The following MGAT4A variants were observed in gnomAD, a reference collection of about 807,000 sequenced individuals.
MGAT4A encodes alpha-1,3-mannosyl-glycoprotein 4-beta-N-acetylglucosaminyltransferase A.
In MGAT4A, 33 loss-of-function variants were observed where a neutral mutation model predicts 74.1. The observed-to-expected ratio is 0.45, with a 90% CI of 0.34 to 0.60. The LOEUF is 0.60. Among genes scored for constraint, MGAT4A ranks in the 20% least tolerant of loss-of-function variants. MGAT4A has a pLI of 0.02. For synonymous variants in MGAT4A, 198 were observed against 210.4 expected (o/e 0.94, Z 0.51); for missense variants, 479 against 628.3 (o/e 0.76, Z 2.54).
chr2:98,654,885 C>A (rs1042286265), intron 8 of MGAT4A, among the ~76,000 whole-genome samples: 1 of 152,152 alleles, frequency 6.6e-6, no homozygotes, highest in African/African-American at 2.4e-5. Context: ...CCTCATACTT[C>A]CTAATTTTAA....
intron 2 of MGAT4A, among the ~76,000 whole-genome samples, chr2:98,706,638 T>G (rs62158023): frequency 1.3e-5 from 2 of 149,942 alleles, no homozygotes; most frequent in African/African-American, 4.9e-5. Context: ...CTGATGTGAA[T>G]TTAAAAAAAA....
At chr2:98,670,716 C>T (rs756756049) in intron 4 of MGAT4A, among the ~76,000 whole-genome samples, 15 of 152,070 alleles carry the variant, frequency 9.9e-5, no homozygotes, top group Non-Finnish European at 2.1e-4. Context: ...TGCCTAGTTG[C>T]CCTTTCTCTG....
intron 2 of MGAT4A, among the ~76,000 whole-genome samples, chr2:98,718,218 G>A (rs1702617390): frequency 6.6e-6 from 1 of 152,100 alleles, no homozygotes. Context: ...AGTTTAATCA[G>A]CAGCTGCTTT....
intron 4 of MGAT4A, among the ~76,000 whole-genome samples, chr2:98,672,022 T>C (rs1701918058): frequency 6.9e-6 from 1 of 145,422 alleles, no homozygotes; most frequent in Admixed American, 6.9e-5. Flanking sequence ...GACAACCTGG[T>C]GTTAGGACTT....
intron 1 of MGAT4A, among the ~76,000 whole-genome samples, chr2:98,728,642 G>T (rs574185359): frequency 6.6e-6 from 1 of 151,936 alleles, no homozygotes; most frequent in Non-Finnish European, 1.5e-5. Flanking sequence ...CAGCTTACTC[G>T]GGAGGCTGAG....
rs1290810374 is a variant in MGAT4A at position 98,620,975 on chromosome 2, C to T, written c.*4591G>A. 1 of 152,972 alleles carries T rather than the reference C, an allele frequency of 6.5e-6. No homozygotes were observed. The highest frequency in any genetic ancestry group is 1.5e-5 in the Non-Finnish European group (1 of 68,574). 9.5% of individuals were successfully genotyped at this position (152,972 alleles called of 1,614,324 possible). ...AGATCTCTGGCGAGAACATCCCCAA[C>T]AAGGTCCAGGTACATGACTTGCTAC... is the stretch of plus-strand genomic sequence containing the variant. On this transcript the variant is annotated 3_prime_UTR_variant, in exon 16 of 16. Transcript: ENST00000393487.
intron 2 of MGAT4A, among the ~76,000 whole-genome samples, chr2:98,709,291 G>A (rs1238286509): frequency 1.3e-5 from 2 of 152,114 alleles, no homozygotes; most frequent in African/African-American, 4.8e-5. Flanking sequence ...CCCCTGAAAT[G>A]ACAGCACCAT....
intron 12 of MGAT4A, among the ~76,000 whole-genome samples, chr2:98,639,508 C>A (rs1701372927): frequency 6.6e-6 from 1 of 152,018 alleles, no homozygotes. Flanking sequence ...AGGATAAAGA[C>A]ATAAACACTA....
At chr2:98,676,249 T>C (rs1476293370) in intron 3 of MGAT4A, among the ~76,000 whole-genome samples, 1 of 152,166 alleles carries the variant, frequency 6.6e-6, no homozygotes, top group Non-Finnish European at 1.5e-5. Flanking sequence ...TAAAGTTTAA[T>C]CTCATGCGTA....
chr2:98,647,081 T>G (rs1309453424), intron 8 of MGAT4A, among the ~76,000 whole-genome samples: 1 of 152,184 alleles, frequency 6.6e-6, no homozygotes, highest in Admixed American at 6.5e-5. Context: ...AACATAGCAT[T>G]TAGAACTAAG....
At chr2:98,665,286 G>A (rs749248987) in intron 4 of MGAT4A, among the ~76,000 whole-genome samples, 36 of 136,278 alleles carry the variant, frequency 2.6e-4, no homozygotes, top group Middle Eastern at 4.9e-3. Flanking sequence ...TCAAGATCGC[G>A]CCACTGCACA....
At chr2:98,684,069 C>T (rs780045772) in intron 2 of MGAT4A, among the ~76,000 whole-genome samples, 1 of 152,188 alleles carries the variant, frequency 6.6e-6, no homozygotes, top group Non-Finnish European at 1.5e-5. Context: ...ACTCAGCTTT[C>T]TAGAACTTTC....
chr2:98,638,679 T>A (rs760056804), intron 12 of MGAT4A, among the ~76,000 whole-genome samples: 64 of 152,266 alleles, frequency 4.2e-4, no homozygotes, highest in Non-Finnish European at 7.5e-4. Context: ...TCAAAACTAT[T>A]TCTGTATGTT....
At chr2:98,657,137 A>G (rs947484739) in intron 6 of MGAT4A, among the ~76,000 whole-genome samples, 2 of 152,170 alleles carry the variant, frequency 1.3e-5, no homozygotes, top group Non-Finnish European at 2.9e-5. Flanking sequence ...GAGGTTAAGA[A>G]CCCTTTCTAA....
chr2:98,633,802 A>G (rs199787628), intron 14 of MGAT4A, among the ~76,000 whole-genome samples: 1 of 152,344 alleles, frequency 6.6e-6, no homozygotes, highest in East Asian at 1.9e-4. Context: ...ATTTTCAGAA[A>G]TTTAATAAGT....
intron 2 of MGAT4A, among the ~76,000 whole-genome samples, chr2:98,707,946 C>T (rs1051920347): frequency 1.3e-5 from 2 of 152,284 alleles, no homozygotes; most frequent in Admixed American, 6.5e-5. Context: ...CAACAGGACT[C>T]GCTTTTAGAA....
chr2:98,659,593 G>T (rs1701713485), intron 5 of MGAT4A, among the ~76,000 whole-genome samples: 1 of 152,142 alleles, frequency 6.6e-6, no homozygotes, highest in African/African-American at 2.4e-5. Flanking sequence ...TGAATCATGG[G>T]GGCAGTTTCC....
intron 2 of MGAT4A, among the ~76,000 whole-genome samples, chr2:98,703,316 T>C (rs191839842): frequency 6.6e-6 from 1 of 152,204 alleles, no homozygotes; most frequent in East Asian, 1.9e-4. Context: ...ATCAGTGAAC[T>C]TGATGTTAGA....
chr2:98,657,386 G>A (rs1701674225), intron 6 of MGAT4A, among the ~76,000 whole-genome samples: 1 of 152,088 alleles, frequency 6.6e-6, no homozygotes, highest in Admixed American at 6.5e-5. Flanking sequence ...GTGGGAAAGG[G>A]GACCAATCAT....
Sources: gnomAD v4.1 joint callset for allele counts (sites outside exome capture counted in the v4.1 genomes callset) on GRCh38, gnomAD v4.1.1 for gene constraint, MANE v1.5 for transcripts, NCBI Gene and HGNC (gene_info 2026-07-23, HGNC 2026-07-21) for gene names.